The following TTLL5 variants were observed in gnomAD, a reference collection of about 807,000 sequenced individuals.
The protein encoded by TTLL5 is tubulin polyglutamylase TTLL5.
Under a neutral mutation model 168.4 loss-of-function variants are expected in TTLL5, and 132 were observed. That is an observed-to-expected ratio of 0.78 (90% confidence interval 0.68 to 0.91). The LOEUF (loss-of-function observed/expected upper bound fraction) is 0.91. Among genes scored for constraint, TTLL5 ranks in the 40% least tolerant of loss-of-function variants. TTLL5 has a pLI of 0.00. For synonymous variants in TTLL5, 546 were observed against 558.6 expected, an observed-to-expected ratio of 0.98 and a Z score of 0.32; for missense variants, 1,545 against 1,581.5, an observed-to-expected ratio of 0.98 and a Z score of 0.39.
chr14:75,705,340 T>C (rs541001894), intron 7 of TTLL5, among the ~76,000 whole-genome samples: 1 of 152,364 alleles, frequency 6.6e-6, no homozygotes, highest in South Asian at 2.1e-4. Flanking sequence ...TATAATGTTA[T>C]AGGTCACAAA....
At chr14:75,916,162 G>A (rs553280081) in intron 31 of TTLL5, among the ~76,000 whole-genome samples, 22 of 149,818 alleles carry the variant, frequency 1.5e-4, no homozygotes, top group Non-Finnish European at 4.5e-5. Context: ...GGGAGGAGAG[G>A]GAGGGGAAAG....
intron 31 of TTLL5, among the ~76,000 whole-genome samples, chr14:75,924,232 A>G (rs1201565142): frequency 2.0e-5 from 3 of 149,842 alleles, no homozygotes; most frequent in Admixed American, 1.3e-4. Context: ...TTTAACGTTA[A>G]TATTGTTATG....
intron 6 of TTLL5, among the ~76,000 whole-genome samples, chr14:75,692,749 T>C (rs919597569): frequency 6.6e-6 from 1 of 152,132 alleles, no homozygotes; most frequent in Non-Finnish European, 1.5e-5. Context: ...AGGAAGACCA[T>C]TGGGTTTTTA....
intron 12 of TTLL5, among the ~76,000 whole-genome samples, chr14:75,728,381 A>G (rs986685354): frequency 2.0e-5 from 3 of 151,610 alleles, no homozygotes; most frequent in Admixed American, 6.6e-5. Flanking sequence ...AAAAGAGAGA[A>G]AAAGAGACTA....
At position 75,782,569 on chromosome 14, in the gene TTLL5, A is replaced by T. The variant is rs1393205863; in HGVS notation, c.2598A>T (p.Leu866Phe). 1 of 1,613,472 alleles carries T rather than the reference A, an allele frequency of 6.2e-7. No homozygotes were observed. The highest frequency in any genetic ancestry group is 1.7e-4 in the Middle Eastern group (1 of 6,056). Residue 866 changes from leucine (L) to phenylalanine (F), a missense_variant, in exon 25 of 32, where the codon TTA becomes TTT. Physicochemically the swap from Leu to Phe is conservative, Grantham distance 22 (BLOSUM62 0). Transcript: ENST00000298832. ...CGACAGAAATTCATTCTGATAAATT[A>T]TCTCGTGAGTGATTTCAAACCTACC... ...QQTTEIHSDK[L>F]SRFTTSAEKE...
intron 15 of TTLL5, among the ~76,000 whole-genome samples, chr14:75,738,830 C>A (rs1889066772): frequency 1.3e-5 from 2 of 152,022 alleles, no homozygotes; most frequent in South Asian, 4.1e-4. Context: ...TTTGAGACAG[C>A]GTGTCACTCC....
In TTLL5 at chr14:75,764,605, T is replaced by C; in HGVS notation, c.1551-10T>C. On this transcript the variant is annotated splice_polypyrimidine_tract_variant and intron_variant, in intron 18 of 31. Coordinates refer to ENST00000298832, the MANE Select transcript of TTLL5 (RefSeq NM_015072.5). ...TGAAGGCCATAGCTACCATGTTGCT[T>C]TTCCCCTAGAATGACTGCTGATGGA... is the stretch of plus-strand genomic sequence containing the variant. 6.2e-7 allele frequency: 1 copy of C among 1,613,620 alleles called. No homozygotes were observed. Among genetic ancestry groups the C allele is most frequent in the Non-Finnish European group, 8.5e-7 (1 of 1,179,588 alleles).
intron 29 of TTLL5, among the ~76,000 whole-genome samples, chr14:75,870,330 C>T (rs540928284): frequency 1.4e-5 from 2 of 147,800 alleles, no homozygotes; most frequent in African/African-American, 2.5e-5. Context: ...AGGTCTTGAA[C>T]TCCTGGGCTC....
intron 15 of TTLL5, among the ~76,000 whole-genome samples, chr14:75,741,040 G>A (rs1229267904): frequency 6.6e-6 from 1 of 152,170 alleles, no homozygotes; most frequent in Non-Finnish European, 1.5e-5. Context: ...AAGGCTGAGA[G>A]TCATTTTCTG....
intron 29 of TTLL5, among the ~76,000 whole-genome samples, chr14:75,869,763 C>T (rs1282404144): frequency 3.4e-5 from 5 of 148,120 alleles, no homozygotes; most frequent in African/African-American, 1.0e-4. Flanking sequence ...ATTCAATAAA[C>T]AGCAACTGTA....
rs140018292 is a variant in TTLL5, at chr14:75,902,161, C to T, written c.3760C>T (p.Gln1254Ter). Residue 1254 changes from glutamine to a stop codon, truncating the protein, a stop_gained, in exon 31 of 32, where the codon CAG becomes TAG. Transcript: ENST00000298832. LOFTEE classifies it high-confidence loss of function. ...TTTCAGAGGGTCCTCCGCGGAAGGG[C>T]AGCTGAATGGACTCCAGAGCAGCCT... ...KASKGSSAEG[Q>*]LNGLQSSLNP... 16 of 1,614,008 alleles carry T rather than the reference C, an allele frequency of 9.9e-6. No individual in the cohort carries two copies. Among genetic ancestry groups the T allele is most frequent in the South Asian group, 2.2e-5 (2 of 91,084 alleles).
At chr14:75,733,865 T>A in intron 13 of TTLL5, 124 bp from the exon 14 acceptor site, 1 of 847,724 alleles carries the variant, frequency 1.2e-6, no homozygotes, top group Non-Finnish European at 1.9e-6. Context: ...GTGGATTTTA[T>A]GGGCTTTATG....
intron 28 of TTLL5, among the ~76,000 whole-genome samples, chr14:75,824,326 A>G (rs778548000): frequency 6.6e-6 from 1 of 152,202 alleles, no homozygotes; most frequent in Non-Finnish European, 1.5e-5. Flanking sequence ...GTGTATACAC[A>G]TGAAACAATC....
chr14:75,832,278 C>T (rs1895613317), intron 28 of TTLL5, among the ~76,000 whole-genome samples: 1 of 152,170 alleles, frequency 6.6e-6, no homozygotes, highest in Admixed American at 6.5e-5. Context: ...CCTTTAAGGC[C>T]CAGCCTCTGT....
chr14:75,904,324 A>G (rs1252776594), intron 31 of TTLL5: 2 of 922,454 alleles, frequency 2.2e-6, no homozygotes, highest in African/African-American at 3.6e-5. Flanking sequence ...CAAGGGAATC[A>G]TGGCCAAGTG....
intron 27 of TTLL5, among the ~76,000 whole-genome samples, chr14:75,795,516 C>T (rs1334876347): frequency 6.6e-6 from 1 of 152,016 alleles, no homozygotes; most frequent in African/African-American, 2.4e-5. Flanking sequence ...GATTTTGGTG[C>T]ACCTATCACC....
At chr14:75,752,441 A>G (rs1023200393) in intron 17 of TTLL5, among the ~76,000 whole-genome samples, 2 of 152,242 alleles carry the variant, frequency 1.3e-5, no homozygotes, top group African/African-American at 2.4e-5. Flanking sequence ...TAAGCAGTAG[A>G]CATCGAGGAG....
intron 6 of TTLL5, among the ~76,000 whole-genome samples, chr14:75,697,337 G>A (rs1885944044): frequency 1.3e-5 from 2 of 152,130 alleles, no homozygotes; most frequent in African/African-American, 4.8e-5. Flanking sequence ...TCTTATATAT[G>A]CAATATTTTA....
intron 28 of TTLL5, among the ~76,000 whole-genome samples, chr14:75,828,524 C>T (rs980509984): frequency 3.9e-5 from 6 of 152,052 alleles, no homozygotes; most frequent in East Asian, 1.9e-4. Flanking sequence ...ACTGTTTATC[C>T]GTAAGGCTTC....
Sources: allele counts gnomAD v4.1 joint callset (sites outside exome capture counted in the v4.1 genomes callset), GRCh38; gene constraint gnomAD v4.1.1; transcripts MANE v1.5; gene names NCBI Gene and HGNC (gene_info 2026-07-23, HGNC 2026-07-21).